Variants in NOS1AP observed in about 807,000 individuals in gnomAD.
NOS1AP encodes the protein carboxyl-terminal PDZ ligand of neuronal nitric oxide synthase protein.
Under a neutral mutation model 56.2 loss-of-function variants are expected in NOS1AP, and 21 were observed. The observed-to-expected ratio is 0.37, with a 90% confidence interval of 0.26 to 0.54. NOS1AP has a LOEUF of 0.54. NOS1AP is among the 20% of genes least tolerant of loss of function. NOS1AP has a pLI of 0.84. For missense variants in NOS1AP, 522 were observed against 657.8 expected (o/e 0.79, Z 2.26); for synonymous variants, 270 against 274.6 (o/e 0.98, Z 0.17).
chr1:162,365,876 C>A (rs1238696912), intron 9 of NOS1AP, among the ~76,000 whole-genome samples: 1 of 152,108 alleles, frequency 6.6e-6, no homozygotes, highest in Non-Finnish European at 1.5e-5. Flanking sequence ...TCTAGGGCAG[C>A]CCATTTCTTT....
In NOS1AP at chr1:162,357,211, C is replaced by A. The variant is rs768070716; in HGVS notation, c.939+75C>A. The A allele has an allele frequency of 1.3e-5, 20 of 1,556,904 alleles. No homozygotes were observed. The African/African-American group carries it at 1.9e-4, about 15-fold the overall frequency. On this transcript the variant is annotated intron_variant, in intron 8 of 9. Transcript: ENST00000361897. The stretch of plus-strand genomic sequence containing the variant: ...GATGCACCTTCCCTAGCGAGGGGCT[C>A]AGGGCAGGTTTAAAATCTAGGGAGT...
chr1:162,274,886 C>G (rs1425195634), intron 2 of NOS1AP, among the ~76,000 whole-genome samples: 1 of 152,148 alleles, frequency 6.6e-6, no homozygotes, highest in Admixed American at 6.5e-5. Context: ...CCATTTGAGT[C>G]ATTTGCCCAT....
intron 2 of NOS1AP, among the ~76,000 whole-genome samples, chr1:162,275,829 C>A (rs1267479711): frequency 6.6e-6 from 1 of 152,348 alleles, no homozygotes; most frequent in Non-Finnish European, 1.5e-5. Context: ...CCTTCCTGCA[C>A]TCTGGATGTC....
chr1:162,107,328 A>T (rs1647551403), intron 1 of NOS1AP, among the ~76,000 whole-genome samples: 1 of 152,194 alleles, frequency 6.6e-6, no homozygotes, highest in African/African-American at 2.4e-5. Context: ...GGAAACATGC[A>T]AATTTTTAAC....
At chr1:162,199,558 A>C (rs1651916396) in intron 2 of NOS1AP, among the ~76,000 whole-genome samples, 1 of 150,858 alleles carries the variant, frequency 6.6e-6, no homozygotes, top group South Asian at 2.1e-4. Context: ...CCTCCTGAAA[A>C]TTTCCCTGAT....
At chr1:162,231,369 T>TA (rs1038340169) in intron 2 of NOS1AP, among the ~76,000 whole-genome samples, 3 of 152,214 alleles carry the variant, frequency 2.0e-5, no homozygotes, top group African/African-American at 7.2e-5. Flanking sequence ...ACTTCTTATA[T>TA]AGTCTGGACA....
At chr1:162,240,312 G>A (rs1334099810) in intron 2 of NOS1AP, among the ~76,000 whole-genome samples, 5 of 150,904 alleles carry the variant, frequency 3.3e-5, no homozygotes, top group African/African-American at 9.9e-5. Flanking sequence ...CCTGGCACGT[G>A]GATTGGGATT....
chr1:162,151,977 A>G (rs1319098199), intron 1 of NOS1AP, among the ~76,000 whole-genome samples: 1 of 151,976 alleles, frequency 6.6e-6, no homozygotes, highest in Non-Finnish European at 1.5e-5. Flanking sequence ...TGGGGTGAAG[A>G]TGGTAGATGT....
At position 162,072,437 on chromosome 1, in the gene NOS1AP, A is replaced by G. The variant is rs902703570; in HGVS notation, c.105+2155A>G. On this transcript the variant is annotated intron_variant, in intron 1 of 9. Transcript: ENST00000361897. ...CAAATGTCTGGGGGCTGTGTGATGT[A>G]GTTCCTATAGTAACTTCCCTGGATT... Among the ~76,000 whole-genome samples the G allele has an allele frequency of 3.9e-5, 6 of 152,214 alleles. No homozygotes were observed. In the South Asian group the frequency reaches 1.0e-3, roughly 26 times the overall value.
intron 4 of NOS1AP, among the ~76,000 whole-genome samples, chr1:162,309,874 T>C (rs904343259): frequency 6.6e-6 from 1 of 152,216 alleles, no homozygotes; most frequent in Admixed American, 6.5e-5. Context: ...TTTTAAGCAT[T>C]ATTATTTTTT....
intron 1 of NOS1AP, among the ~76,000 whole-genome samples, chr1:162,092,332 A>G (rs547526544): frequency 1.3e-5 from 2 of 152,204 alleles, no homozygotes; most frequent in African/African-American, 4.8e-5. Flanking sequence ...GAGGGAGAGA[A>G]CAGAGGAGGA....
At chr1:162,117,016 T>C (rs1049298423) in intron 1 of NOS1AP, among the ~76,000 whole-genome samples, 7 of 152,208 alleles carry the variant, frequency 4.6e-5, no homozygotes, top group African/African-American at 1.7e-4. Flanking sequence ...ATTCATTTCA[T>C]TTCTTAAATT....
chr1:162,156,585 G>T (rs1410482669), intron 2 of NOS1AP, among the ~76,000 whole-genome samples: 2 of 151,924 alleles, frequency 1.3e-5, no homozygotes, highest in Non-Finnish European at 2.9e-5. Context: ...TGTCCTTGGG[G>T]TTTCAACCAA....
chr1:162,323,748 T>G (rs1014358618), intron 4 of NOS1AP, among the ~76,000 whole-genome samples: 1 of 152,226 alleles, frequency 6.6e-6, no homozygotes, highest in African/African-American at 2.4e-5. Context: ...TATCCCATTT[T>G]GCAGTTAAGA....
At chr1:162,152,255 C>T (rs1179786621) in intron 1 of NOS1AP, among the ~76,000 whole-genome samples, 3 of 152,152 alleles carry the variant, frequency 2.0e-5, no homozygotes, top group African/African-American at 7.2e-5. Flanking sequence ...TATACAGTCC[C>T]CCAGGCTCCC....
chr1:162,339,342 G>T (rs1247931163), intron 5 of NOS1AP, among the ~76,000 whole-genome samples: 1 of 151,936 alleles, frequency 6.6e-6, no homozygotes, highest in African/African-American at 2.4e-5. Flanking sequence ...ACTTTTATGG[G>T]CTTATGTAAA....
At chr1:162,221,513 C>T (rs1020453516) in intron 2 of NOS1AP, among the ~76,000 whole-genome samples, 2 of 116,790 alleles carry the variant, frequency 1.7e-5, no homozygotes, top group Non-Finnish European at 1.7e-5. Flanking sequence ...TAATGCAACA[C>T]ACACACGCAC....
intron 6 of NOS1AP, among the ~76,000 whole-genome samples, chr1:162,348,428 A>G (rs760070466): frequency 7.2e-5 from 11 of 152,184 alleles, no homozygotes; most frequent in Non-Finnish European, 1.5e-4. Flanking sequence ...ATTGTAACAG[A>G]TGGTCAGCTT....
intron 1 of NOS1AP, among the ~76,000 whole-genome samples, chr1:162,072,319 T>G (rs982189314): frequency 1.3e-5 from 2 of 152,188 alleles, no homozygotes; most frequent in Non-Finnish European, 2.9e-5. Context: ...CAGGTGATTG[T>G]GGCCAGACTT....
Sources: allele counts gnomAD v4.1 joint callset (sites outside exome capture counted in the v4.1 genomes callset), GRCh38; gene constraint gnomAD v4.1.1; transcripts MANE v1.5; gene names NCBI Gene and HGNC (gene_info 2026-07-23, HGNC 2026-07-21).